The following MPRIP variants were observed in gnomAD, a reference collection of about 807,000 sequenced individuals.
MPRIP encodes the protein myosin phosphatase Rho interacting protein.
In MPRIP, 59 loss-of-function variants were observed where a neutral mutation model predicts 234.9. The ratio of observed to expected loss-of-function variants is 0.25; its 90% CI spans 0.20 to 0.31. The LOEUF (loss-of-function observed/expected upper bound fraction) is 0.31. Ranked by LOEUF, MPRIP falls within the 10% of genes least tolerant of loss-of-function variation. MPRIP has a pLI of 1.00. For missense variants in MPRIP, 2,436 were observed against 3,071.0 expected (o/e 0.79, Z 4.89); for synonymous variants, 1,144 against 1,263.9 (o/e 0.91, Z 2.01).
intron 8 of MPRIP, 134 bp downstream of exon 8, chr17:17,142,899 A>G (rs899222778): frequency 4.1e-6 from 4 of 980,276 alleles, no homozygotes; most frequent in East Asian, 2.6e-5. Flanking sequence ...CCTCCTCTGC[A>G]TAGTGACTTC....
At chr17:17,096,354 T>C (rs1003160367) in intron 3 of MPRIP, among the ~76,000 whole-genome samples, 10 of 145,606 alleles carry the variant, frequency 6.9e-5, no homozygotes, top group Non-Finnish European at 1.5e-4. Flanking sequence ...TCAGAGTCAA[T>C]GCACATGCCT....
In MPRIP at chr17:17,164,868, G is replaced by C; in HGVS notation, c.3277G>C (p.Val1093Leu). ...EEQLEAREASVRRLAEHVQSL... is the reference protein window; with the variant it reads ...EEQLEAREASLRRLAEHVQSL... ...GCAGCTGGAGGCACGAGAGGCCAGC[G>C]TGCGCAGGCTCGCAGAGCACGTGCA... Residue 1093 changes from valine (V) to leucine (L), a missense_variant, in exon 16 of 24, where the codon GTG becomes CTG. By Grantham distance (32) the Val-to-Leu change is conservative. Around this residue, in one of 4 missense-constraint regions of MPRIP, gnomAD observed 1,998 missense variants for 2,520.3 expected, o/e 0.79. Coordinates refer to ENST00000651222, the MANE Select transcript of MPRIP (RefSeq NM_001364716.4). The C allele has an allele frequency of 7.7e-7, 1 of 1,304,052 alleles. No individual in the cohort carries two copies. The highest frequency in any genetic ancestry group is 1.5e-5 in the African/African-American group (1 of 66,004). 80.8% of individuals were successfully genotyped at this position (1,304,052 alleles called of 1,614,324 possible).
At chr17:17,091,314 C>T (rs1011305599) in intron 3 of MPRIP, among the ~76,000 whole-genome samples, 3 of 152,058 alleles carry the variant, frequency 2.0e-5, no homozygotes, top group Non-Finnish European at 4.4e-5. Flanking sequence ...ATCATCTAGT[C>T]CAGCCCTCAC....
At chr17:17,131,532 T>G (rs2090596347) in intron 4 of MPRIP, 85 bp from the exon 5 acceptor site, 2 of 1,175,608 alleles carry the variant, frequency 1.7e-6, no homozygotes. Context: ...CCTGCTCTAC[T>G]CCTGGACCAC....
intron 23 of MPRIP, 78 bp downstream of exon 23, chr17:17,180,166 GC>G: frequency 1.7e-6 from 2 of 1,168,130 alleles, no homozygotes; most frequent in Non-Finnish European, 2.4e-6. Flanking sequence ...AAGTATGAGT[GC>G]TCCCATGGGC....
chr17:17,159,213 A>G (rs1008932066), intron 14 of MPRIP, among the ~76,000 whole-genome samples: 4 of 152,236 alleles, frequency 2.6e-5, no homozygotes, highest in Non-Finnish European at 5.9e-5. Flanking sequence ...GGGCAGGGAA[A>G]GGGGCCTTCC....
chr17:17,172,097 G>A (rs931355330), intron 17 of MPRIP, among the ~76,000 whole-genome samples: 2 of 152,212 alleles, frequency 1.3e-5, no homozygotes, highest in Non-Finnish European at 2.9e-5. Context: ...CGTCGTGGCC[G>A]GCTGCACACA....
At chr17:17,180,473 C>T (rs2046349473) in intron 23 of MPRIP, 1 of 835,732 alleles carries the variant, frequency 1.2e-6, no homozygotes, top group Non-Finnish European at 2.1e-6. Flanking sequence ...CTCTTGTTCC[C>T]CAGCCAGGAA....
intron 3 of MPRIP, among the ~76,000 whole-genome samples, chr17:17,106,219 C>T (rs1209566698): frequency 6.6e-6 from 1 of 152,216 alleles, no homozygotes; most frequent in Admixed American, 6.5e-5. Context: ...GTGCTCAGTA[C>T]CCCGTTTTCT....
intron 23 of MPRIP, chr17:17,180,565 G>C: frequency 6.3e-7 from 1 of 1,576,212 alleles, no homozygotes; most frequent in Non-Finnish European, 8.7e-7. Context: ...GCGTGTGTTT[G>C]GGATTGGTTG....
At chr17:17,121,010 G>A (rs2090378339) in intron 3 of MPRIP, among the ~76,000 whole-genome samples, 1 of 152,204 alleles carries the variant, frequency 6.6e-6, no homozygotes, top group Non-Finnish European at 1.5e-5. Context: ...GTCTGGAAAT[G>A]CTGCTGAGTG....
At chr17:17,049,601 T>C (rs961043740) in intron 1 of MPRIP, among the ~76,000 whole-genome samples, 2 of 152,264 alleles carry the variant, frequency 1.3e-5, no homozygotes, top group Non-Finnish European at 2.9e-5. Flanking sequence ...AATGACACAG[T>C]TGGACCAGGT....
rs2046545346 is a variant in MPRIP, at chr17:17,189,530, A to G, written c.*4636A>G. 1 of 151,914 alleles carries G rather than the reference A, an allele frequency of 6.6e-6. No individual in the cohort carries two copies. The allele number at this position is 151,914 out of a possible 1,614,324, so 9.4% of individuals were successfully genotyped here. A position where few individuals can be genotyped will look rare whatever the true frequency, so the allele number is the denominator to read the frequency against. On this transcript the variant is annotated 3_prime_UTR_variant, in exon 24 of 24. Transcript: ENST00000651222. Reference sequence around the variant, plus strand: ...AAAAAAAAACTGTGACCCCTTTGTCACTAAGGGAGAAAGAAATTAAGTATT... The same window carrying G: ...AAAAAAAAACTGTGACCCCTTTGTCGCTAAGGGAGAAAGAAATTAAGTATT...
chr17:17,154,538 C>G (rs1308543574), intron 13 of MPRIP, 123 bp downstream of exon 13: 2 of 725,968 alleles, frequency 2.8e-6, no homozygotes, highest in Non-Finnish European at 4.8e-6. Context: ...GTCTGCTGCT[C>G]CTTCCTTCCT....
chr17:17,148,065 A>G (rs373329079), intron 11 of MPRIP, among the ~76,000 whole-genome samples: 1 of 152,180 alleles, frequency 6.6e-6, no homozygotes, highest in Non-Finnish European at 1.5e-5. Flanking sequence ...TAACAGCCAG[A>G]TGATTGGAAA....
intron 3 of MPRIP, among the ~76,000 whole-genome samples, chr17:17,085,684 C>T (rs189148725): frequency 3.0e-4 from 46 of 152,308 alleles, no homozygotes; most frequent in Admixed American, 1.5e-3. Flanking sequence ...GAGGCCGAGG[C>T]GAGCAGATCA....
At chr17:17,084,590 G>A (rs540323735) in intron 3 of MPRIP, among the ~76,000 whole-genome samples, 5 of 152,374 alleles carry the variant, frequency 3.3e-5, no homozygotes, top group African/African-American at 1.2e-4. Flanking sequence ...GAGGGATGGT[G>A]TCTTTCCTTC....
intron 4 of MPRIP, among the ~76,000 whole-genome samples, chr17:17,131,255 G>T (rs1277952115): frequency 6.6e-6 from 1 of 152,204 alleles, no homozygotes; most frequent in Non-Finnish European, 1.5e-5. Context: ...ACCTGCCTCT[G>T]TTGCCCTAAA....
intron 7 of MPRIP, among the ~76,000 whole-genome samples, chr17:17,141,339 T>C (rs1445272524): frequency 6.6e-6 from 1 of 152,214 alleles, no homozygotes; most frequent in Non-Finnish European, 1.5e-5. Context: ...GCAGCTTCCT[T>C]AGCTTCCTGC....
Sources: gnomAD v4.1 joint callset for allele counts (sites outside exome capture counted in the v4.1 genomes callset) on GRCh38, gnomAD v4.1.1 for gene constraint, gnomAD v4.1.1 regional missense constraint, MANE v1.5 for transcripts, NCBI Gene and HGNC (gene_info 2026-07-23, HGNC 2026-07-21) for gene names.